Variants in TAMM41 observed in about 807,000 individuals in gnomAD.
TAMM41 encodes phosphatidate cytidylyltransferase, mitochondrial.
Under a neutral mutation model 44.1 loss-of-function variants are expected in TAMM41, and 36 were observed. That is an observed-to-expected ratio of 0.82 (90% CI 0.63 to 1.08). TAMM41 has a LOEUF of 1.08. Among genes scored for constraint, TAMM41 ranks in the 50% least tolerant of loss-of-function variants. The probability of loss-of-function intolerance (pLI) is 0.00; values close to 1 mark genes in which losing one functional copy is unlikely to be tolerated. For missense variants in TAMM41, 417 were observed against 404.3 expected (o/e 1.03, Z -0.27); for synonymous variants, 164 against 153.1 (o/e 1.07, Z -0.53).
the TAMM41 span, among the ~76,000 whole-genome samples, chr3:11,754,625 T>C: frequency 6.7e-6 from 1 of 150,230 alleles, no homozygotes; most frequent in Non-Finnish European, 1.5e-5. Flanking sequence ...TGCCTTGAAC[T>C]CCCAAAAATG....
At chr3:11,841,184 G>A (rs546309787) in intron 2 of TAMM41, among the ~76,000 whole-genome samples, 22 of 145,014 alleles carry the variant, frequency 1.5e-4, no homozygotes. Flanking sequence ...CTGGGCTCCA[G>A]TGATCCTCCC....
At chr3:11,809,413 C>CTA in intron 6 of TAMM41, 104 bp downstream of exon 6, 1 of 1,370,006 alleles carries the variant, frequency 7.3e-7, no homozygotes, top group South Asian at 1.3e-5. Context: ...GGCAATCTCT[C>CTA]TATCTCGCTA....
chr3:11,786,200 TC>T (rs1048347575), downstream of TAMM41, among the ~76,000 whole-genome samples: 7 of 151,918 alleles, frequency 4.6e-5, no homozygotes, highest in Non-Finnish European at 1.0e-4. Context: ...GGGTACCCCT[TC>T]TTTTTTGTTT....
At chr3:11,802,195 G>C (rs939656991) in intron 7 of TAMM41, among the ~76,000 whole-genome samples, 1 of 152,184 alleles carries the variant, frequency 6.6e-6, no homozygotes, top group Non-Finnish European at 1.5e-5. Flanking sequence ...CGTGTAGCCT[G>C]AGTGATAGAG....
At chr3:11,823,282 G>A (rs561083569) in intron 4 of TAMM41, among the ~76,000 whole-genome samples, 188 of 141,400 alleles carry the variant, frequency 1.3e-3, no homozygotes, top group African/African-American at 4.8e-3. Flanking sequence ...TTGAGACAGA[G>A]TCCTGCTCTG....
chr3:11,822,526 T>C (rs917425149), intron 4 of TAMM41, among the ~76,000 whole-genome samples: 1 of 152,010 alleles, frequency 6.6e-6, no homozygotes, highest in Non-Finnish European at 1.5e-5. Flanking sequence ...CAGTGAATAT[T>C]TGGCTGGCTA....
chr3:11,732,989 G>GTTTTTTTTTTTTTTTTTTTTTTTTTTT, the TAMM41 span, among the ~76,000 whole-genome samples: 2 of 128,462 alleles, frequency 1.6e-5, no homozygotes, highest in African/African-American at 3.0e-5. Flanking sequence ...TATGATTTGA[G>GTTTTTTTTTTTTTTTTTTTTTTTTTTT]TTTTTTTTTT....
At position 11,809,666 on chromosome 3, in the gene TAMM41, T is replaced by G; in HGVS notation, c.725A>C (p.Glu242Ala). 1 of 1,612,446 alleles carries G rather than the reference T, an allele frequency of 6.2e-7. No individual in the cohort carries two copies. The highest frequency in any genetic ancestry group is 8.5e-7 in the Non-Finnish European group (1 of 1,179,742). Reference protein sequence around the residue: ...QGWLEIDKSPEGQFTQLMTLP... With the variant: ...QGWLEIDKSPAGQFTQLMTLP... ...TGTCATCAGCTGAGTGAACTGTCCT[T>G]CTGGGCTTTTATCTATCTGAAGGGA... is the stretch of plus-strand genomic sequence containing the variant. Residue 242 changes from glutamate (E) to alanine (A), a missense_variant, in exon 6 of 8, where the codon GAA becomes GCA. Physicochemically the swap from Glu to Ala is moderately radical, Grantham distance 107 (BLOSUM62 -1). Transcript: ENST00000455809.
chr3:11,737,288 AT>A, the TAMM41 span, among the ~76,000 whole-genome samples: 1 of 8,222 alleles, frequency 1.2e-4, no homozygotes, highest in Non-Finnish European at 2.3e-4. Context: ...GGCTTACATT[AT>A]TATTATTATT....
intron 6 of TAMM41, chr3:11,809,182 C>A: frequency 3.0e-6 from 1 of 333,576 alleles, no homozygotes; most frequent in Non-Finnish European, 5.5e-6. Flanking sequence ...AAAAAAATGC[C>A]ACCAATCTCT....
the TAMM41 span, among the ~76,000 whole-genome samples, chr3:11,774,431 G>T: frequency 6.6e-6 from 1 of 152,114 alleles, no homozygotes; most frequent in Non-Finnish European, 1.5e-5. Context: ...AGTGCCAGAG[G>T]GACTGTTACC....
chr3:11,772,572 T>C, the TAMM41 span, among the ~76,000 whole-genome samples: 1 of 152,270 alleles, frequency 6.6e-6, no homozygotes, highest in Admixed American at 6.5e-5. Context: ...TGTGTATGTA[T>C]CACATTTTCT....
rs115673771 is a variant in TAMM41, at chr3:11,828,075, C to G, written c.562+1639G>C. Reference sequence around the variant, plus strand: ...GAATTTTGGCATATTCTCAGGGCTTCGGAGATTTGGGTGGTTTGCCAAGGG... The same window carrying G: ...GAATTTTGGCATATTCTCAGGGCTTGGGAGATTTGGGTGGTTTGCCAAGGG... On this transcript the variant is annotated intron_variant, in intron 4 of 7. Transcript: ENST00000455809. Among the ~76,000 whole-genome samples, 1,140 of 152,264 alleles carry G rather than the reference C, an allele frequency of 7.5e-3. 6 individuals are homozygous for G. Among genetic ancestry groups the G allele is most frequent in the African/African-American group, 0.026 (1,087 of 41,548 alleles).
chr3:11,772,290 C>T, the TAMM41 span, among the ~76,000 whole-genome samples: 1 of 148,164 alleles, frequency 6.7e-6, no homozygotes, highest in Non-Finnish European at 1.5e-5. Flanking sequence ...ACCGTGTTAG[C>T]CAGGATGGTC....
At position 11,823,678 on chromosome 3, in the gene TAMM41, T is replaced by G. The variant is rs1190096184; in HGVS notation, c.562+6036A>C. 4.2e-3 allele frequency among the ~76,000 whole-genome samples: 636 copies of G among 150,076 alleles called. 1 individual carries two copies. Among genetic ancestry groups the G allele is most frequent in the African/African-American group, 0.015 (607 of 40,912 alleles). On this transcript the variant is annotated intron_variant, in intron 4 of 7. Coordinates refer to ENST00000455809, the MANE Select transcript of TAMM41 (RefSeq NM_001284401.2). ...CTTTTTACTTTTTTTTTTTTTTTTTTTAGACAGAGTCTCACTCTGTCACCC... is the reference window on the plus strand; with the variant it reads ...CTTTTTACTTTTTTTTTTTTTTTTTGTAGACAGAGTCTCACTCTGTCACCC...
chr3:11,753,302 G>T, the TAMM41 span, among the ~76,000 whole-genome samples: 1 of 152,054 alleles, frequency 6.6e-6, no homozygotes, highest in Non-Finnish European at 1.5e-5. Context: ...GGGCATAGTG[G>T]TGTGGCTTGT....
At chr3:11,738,003 A>C in the TAMM41 span, among the ~76,000 whole-genome samples, 8 of 152,202 alleles carry the variant, frequency 5.3e-5, no homozygotes, top group African/African-American at 1.9e-4. Flanking sequence ...CTCTTATGTC[A>C]TTTAGCTAGG....
chr3:11,805,000 T>TGTTG (rs200394924), intron 7 of TAMM41, among the ~76,000 whole-genome samples: 1 of 131,278 alleles, frequency 7.6e-6, no homozygotes, highest in African/African-American at 3.0e-5. Flanking sequence ...CCAGCCCTTT[T>TGTTG]TTTTTTTTTT....
the TAMM41 span, among the ~76,000 whole-genome samples, chr3:11,747,426 T>A: frequency 6.6e-6 from 1 of 152,152 alleles, no homozygotes; most frequent in Non-Finnish European, 1.5e-5. Flanking sequence ...TACATAGGCA[T>A]ATGTGATTGT....
Sources: gnomAD v4.1 joint callset for allele counts (sites outside exome capture counted in the v4.1 genomes callset) on GRCh38, gnomAD v4.1.1 for gene constraint, MANE v1.5 for transcripts, NCBI Gene and HGNC (gene_info 2026-07-23, HGNC 2026-07-21) for gene names.